Variants in B3GALT1 observed in about 807,000 individuals in gnomAD.
The protein encoded by B3GALT1 is UDP-Gal:betaGlcNAc beta 1,3-galactosyltransferase, polypeptide 1.
In B3GALT1, 10 loss-of-function variants were observed where a neutral mutation model predicts 23.2. That is an observed-to-expected ratio of 0.43 (90% CI 0.27 to 0.73). The LOEUF (loss-of-function observed/expected upper bound fraction) is 0.73, where lower values mean the gene tolerates loss of function less well. Among genes scored for constraint, B3GALT1 ranks in the 30% least tolerant of loss-of-function variants. The pLI is 0.21. For missense variants in B3GALT1, 299 were observed against 405.4 expected (o/e 0.74, Z 2.25); for synonymous variants, 156 against 141.5 (o/e 1.10, Z -0.73).
At chr2:167,837,172 TAAC>T (rs1054624203) in intron 4 of B3GALT1, among the ~76,000 whole-genome samples, 39 of 152,124 alleles carry the variant, frequency 2.6e-4, no homozygotes, top group Non-Finnish European at 5.0e-4. Flanking sequence ...AATTCACACA[TAAC>T]AATATTAACT....
chr2:167,706,235 G>T (rs1264618853), intron 3 of B3GALT1, among the ~76,000 whole-genome samples: 1 of 152,156 alleles, frequency 6.6e-6, no homozygotes, highest in Admixed American at 6.5e-5. Flanking sequence ...TAAAGAAACT[G>T]TGGCAAAGAA....
intron 3 of B3GALT1, among the ~76,000 whole-genome samples, chr2:167,667,876 C>T (rs996511872): frequency 6.6e-6 from 1 of 152,174 alleles, no homozygotes; most frequent in East Asian, 1.9e-4. Context: ...TTTTCAACTT[C>T]TTTGCCTTTG....
intron 1 of B3GALT1, among the ~76,000 whole-genome samples, chr2:167,303,678 CACACAG>C (rs1421041012): frequency 9.1e-6 from 1 of 109,756 alleles, no homozygotes; most frequent in Non-Finnish European, 2.2e-5. Flanking sequence ...CACACACACA[CACACAG>C]AGAGAGACCT....
chr2:167,467,204 T>A (rs1054659939), intron 1 of B3GALT1, among the ~76,000 whole-genome samples: 8 of 152,052 alleles, frequency 5.3e-5, no homozygotes, highest in Non-Finnish European at 8.8e-5. Context: ...CCAAGCCGAC[T>A]GACCCACTCA....
chr2:167,325,835 AG>A (rs1335208505), intron 1 of B3GALT1, among the ~76,000 whole-genome samples: 6 of 150,894 alleles, frequency 4.0e-5, no homozygotes, highest in Non-Finnish European at 8.8e-5. Flanking sequence ...CTCCTGCATC[AG>A]CCTCCTGAGT....
chr2:167,362,273 C>T (rs879457311), intron 1 of B3GALT1, among the ~76,000 whole-genome samples: 13 of 152,118 alleles, frequency 8.5e-5, no homozygotes, highest in Non-Finnish European at 1.3e-4. Flanking sequence ...TAGGGTGATA[C>T]ATCAAAATAT....
At chr2:167,696,281 C>G (rs1009902601) in intron 3 of B3GALT1, among the ~76,000 whole-genome samples, 8 of 125,506 alleles carry the variant, frequency 6.4e-5, no homozygotes, top group Non-Finnish European at 8.0e-5. Flanking sequence ...ACATCTTAGT[C>G]TCATTGGTAA....
chr2:167,715,871 C>T lies in B3GALT1; in HGVS notation c.-352+68905C>T, dbSNP rs544813639. ...TTCCCACATAAAGCCGACTCCTAAC[C>T]GATCTAAAACTTCTCCACAAAAAAA... On this transcript the variant is annotated intron_variant, in intron 3 of 4. Coordinates refer to ENST00000392690, the MANE Select transcript of B3GALT1 (RefSeq NM_020981.4). The T allele has an allele frequency of 1.9e-5, 30 of 1,613,844 alleles. No homozygotes were observed. The South Asian group carries it at 2.6e-4, about 14-fold the overall frequency.
intron 4 of B3GALT1, among the ~76,000 whole-genome samples, chr2:167,828,101 G>C (rs1299744110): frequency 6.6e-6 from 1 of 152,178 alleles, no homozygotes; most frequent in African/African-American, 2.4e-5. Context: ...ACCAGACTGT[G>C]ATGCTGTGTA....
chr2:167,420,270 G>T (rs1370615058), intron 1 of B3GALT1, among the ~76,000 whole-genome samples: 1 of 152,202 alleles, frequency 6.6e-6, no homozygotes, highest in Non-Finnish European at 1.5e-5. Flanking sequence ...ATGCCCATAA[G>T]ACCCACTGAA....
chr2:167,294,090 G>T (rs1213602946), intron 1 of B3GALT1, among the ~76,000 whole-genome samples: 2 of 152,206 alleles, frequency 1.3e-5, no homozygotes, highest in Non-Finnish European at 2.9e-5. Flanking sequence ...CCTGCCTGGT[G>T]GCGGCGTAGG....
intron 1 of B3GALT1, among the ~76,000 whole-genome samples, chr2:167,479,702 C>G (rs1699534957): frequency 1.3e-5 from 2 of 152,096 alleles, no homozygotes. Context: ...TATCCCACCA[C>G]TGTAATCACC....
chr2:167,711,739 C>T (rs753161891), intron 3 of B3GALT1, among the ~76,000 whole-genome samples: 5 of 152,132 alleles, frequency 3.3e-5, no homozygotes, highest in South Asian at 4.2e-4. Context: ...CCAAGGTGGG[C>T]GAGTAGCTTG....
intron 2 of B3GALT1, among the ~76,000 whole-genome samples, chr2:167,521,021 G>A (rs1401843679): frequency 6.6e-6 from 1 of 151,752 alleles, no homozygotes; most frequent in Non-Finnish European, 1.5e-5. Context: ...GTCTGCTACT[G>A]TGGACTTCAT....
rs371371680 is a variant in B3GALT1 at position 167,564,455 on chromosome 2, C to T, written c.-410+74178C>T. Among the ~76,000 whole-genome samples, 144 of 151,402 alleles carry T rather than the reference C, an allele frequency of 9.5e-4. 2 individuals carry two copies. In the East Asian group the frequency reaches 0.022, roughly 23 times the overall value. On this transcript the variant is annotated intron_variant, in intron 2 of 4. Coordinates refer to ENST00000392690, the MANE Select transcript of B3GALT1 (RefSeq NM_020981.4). The stretch of plus-strand genomic sequence containing the variant: ...GCGGAGACGCTCCCCACCTCCCAGA[C>T]GGGGTGGCGGCCGGGCAGAGGCTGC...
At position 167,372,288 on chromosome 2, in the gene B3GALT1, C is replaced by T. The variant is rs1158983221; in HGVS notation, c.-511+78954C>T. Among the ~76,000 whole-genome samples the T allele has an allele frequency of 2.6e-5, 4 of 152,024 alleles. No homozygotes were observed. The East Asian group carries it at 7.7e-4, about 29-fold the overall frequency. ...AAAAAGCAATTGACCAAATCCAACA[C>T]ACATTTATGAATTTTTTAAAAAATT... On this transcript the variant is annotated intron_variant, in intron 1 of 4. Transcript: ENST00000392690.
intron 1 of B3GALT1, among the ~76,000 whole-genome samples, chr2:167,428,054 T>C (rs1051838619): frequency 6.6e-6 from 1 of 152,096 alleles, no homozygotes; most frequent in Non-Finnish European, 1.5e-5. Flanking sequence ...CGGGAAAACA[T>C]TGGGAGGAAA....
rs146048126 is a variant in B3GALT1, at chr2:167,626,133, G to A, written c.-409-20776G>A. ...TGAAAAGAAACATGAAGTTGGTCAT[G>A]AGCAGAATAAAAACTATTTAAGTAA... On this transcript the variant is annotated intron_variant, in intron 2 of 4. Coordinates refer to ENST00000392690, the MANE Select transcript of B3GALT1 (RefSeq NM_020981.4). Among the ~76,000 whole-genome samples, 701 of 151,254 alleles carry A rather than the reference G, an allele frequency of 4.6e-3. 2 individuals are homozygous for A. The highest frequency in any genetic ancestry group is 7.0e-3 in the Non-Finnish European group (470 of 67,616).
rs118152005 is a variant in B3GALT1 at position 167,733,348 on chromosome 2, G to T, written c.-351-85324G>T. On this transcript the variant is annotated intron_variant, in intron 3 of 4. Transcript: ENST00000392690. ...CCCATGGCCCGCAGGCCTCATGCAG[G>T]TCAGGACAGCTTTGAATGCGGCCCA... Among the ~76,000 whole-genome samples the T allele has an allele frequency of 9.9e-5, 15 of 152,202 alleles. 1 individual carries two copies. The East Asian group carries it at 2.9e-3, about 29-fold the overall frequency.
Sources: allele counts gnomAD v4.1 joint callset (sites outside exome capture counted in the v4.1 genomes callset), GRCh38; gene constraint gnomAD v4.1.1; transcripts MANE v1.5; gene names NCBI Gene and HGNC (gene_info 2026-07-23, HGNC 2026-07-21).